SCUBE1: variants seen among roughly 807,000 people sequenced by gnomAD.
SCUBE1 encodes the protein signal peptide, CUB domain and EGF like domain containing 1.
A neutral mutation model predicts 124.4 loss-of-function variants in SCUBE1; 59 were observed. That is an observed-to-expected ratio of 0.47 (90% CI 0.38 to 0.59). SCUBE1 has a LOEUF of 0.59. Among genes scored for constraint, SCUBE1 ranks in the 20% least tolerant of loss-of-function variants. The probability of loss-of-function intolerance (pLI) is 0.00; values close to 1 mark genes in which losing one functional copy is unlikely to be tolerated. For synonymous variants in SCUBE1, 545 were observed against 550.9 expected (o/e 0.99, Z 0.15); for missense variants, 1,150 against 1,371.2 (o/e 0.84, Z 2.55).
intron 15 of SCUBE1, 118 bp from the exon 16 acceptor site, chr22:43,214,369 A>ACCC: frequency 1.0e-6 from 1 of 975,950 alleles, no homozygotes; most frequent in Non-Finnish European, 1.5e-6. Flanking sequence ...TGGGGCCCCA[A>ACCC]GGACACAGAG....
Position 43,290,982 on chromosome 22 carries a change from A to C in SCUBE1, c.484+64T>G, listed in dbSNP as rs1470568082. 19 of 1,485,636 alleles carry C rather than the reference A, an allele frequency of 1.3e-5. No homozygotes were observed. In the East Asian group the frequency reaches 4.2e-4, roughly 33 times the overall value. 92.0% of individuals were successfully genotyped at this position (1,485,636 alleles called of 1,614,324 possible). ...GGGCCCCAGAATTGAGATGTGGAGA[A>C]GGGGACTCTGGGGGCTGCCCATCCT... On this transcript the variant is annotated intron_variant, in intron 4 of 21. Coordinates refer to ENST00000360835, the MANE Select transcript of SCUBE1 (RefSeq NM_173050.5).
intron 4 of SCUBE1, among the ~76,000 whole-genome samples, chr22:43,278,702 A>G (rs558441243): frequency 1.8e-4 from 28 of 152,290 alleles, no homozygotes; most frequent in African/African-American, 6.0e-4. Flanking sequence ...AAGAACTGAC[A>G]TTGGCCTCAG....
At chr22:43,302,878 C>T (rs528297599) in intron 3 of SCUBE1, among the ~76,000 whole-genome samples, 9 of 152,364 alleles carry the variant, frequency 5.9e-5, no homozygotes, top group South Asian at 4.1e-4. Context: ...CTTAATGAAG[C>T]GCCTCTGCGC....
chr22:43,210,109 C>T lies in SCUBE1; in HGVS notation c.2515G>A (p.Val839Met), dbSNP rs764973596. 26 of 1,612,846 alleles carry T rather than the reference C, an allele frequency of 1.6e-5. No individual in the cohort carries two copies. Among genetic ancestry groups the T allele is most frequent in the East Asian group, 2.2e-5 (1 of 44,860 alleles). ...ATGGGCAGGAAGATCTCAGGGACCA[C>T]GATGAGGATCCTGCGCTTTGGGGGA... is the stretch of plus-strand genomic sequence containing the variant. ...APPPKRRILIVVPEIFLPIED... is the reference protein window; with the variant it reads ...APPPKRRILIMVPEIFLPIED... The change falls in exon 19 of 22, where the codon GTG becomes ATG. Residue 839 changes from valine to methionine, a missense_variant. By Grantham distance (21) the Val-to-Met change is conservative. Coordinates refer to ENST00000360835, the MANE Select transcript of SCUBE1 (RefSeq NM_173050.5). The surrounding 1 kb of genome is among the most constrained non-coding windows in gnomAD (Gnocchi z 4.5).
At chr22:43,237,534 C>T (rs969605535) in intron 7 of SCUBE1, 2 of 152,250 alleles carry the variant, frequency 1.3e-5, no homozygotes, top group South Asian at 2.1e-4. Flanking sequence ...CACCTGCCCA[C>T]TTGCCTGCCA....
chr22:43,339,308 G>T, intron 1 of SCUBE1, 73 bp from the exon 2 acceptor site: 1 of 1,469,218 alleles, frequency 6.8e-7, no homozygotes, highest in Non-Finnish European at 9.3e-7. Flanking sequence ...GTGTAGGGCA[G>T]GGGGAGCTCT....
At chr22:43,321,112 C>T (rs934344199) in intron 2 of SCUBE1, among the ~76,000 whole-genome samples, 1 of 152,182 alleles carries the variant, frequency 6.6e-6, no homozygotes, top group Non-Finnish European at 1.5e-5. Flanking sequence ...GAACCGGAAC[C>T]GGAAGTGCAG....
intron 6 of SCUBE1, among the ~76,000 whole-genome samples, chr22:43,245,057 G>A (rs995746920): frequency 5.3e-5 from 8 of 152,242 alleles, no homozygotes; most frequent in African/African-American, 4.8e-5. Flanking sequence ...GGCTCCCATC[G>A]CTTTGGGATA....
chr22:43,224,873 A>C (rs2146671957), intron 10 of SCUBE1, among the ~76,000 whole-genome samples: 1 of 152,298 alleles, frequency 6.6e-6, no homozygotes, highest in Non-Finnish European at 1.5e-5. Context: ...AGCCTTATGA[A>C]TTTAGACTAT....
intron 3 of SCUBE1, among the ~76,000 whole-genome samples, chr22:43,313,455 C>T (rs546931053): frequency 2.0e-5 from 3 of 152,232 alleles, no homozygotes; most frequent in South Asian, 4.2e-4. Context: ...TTTGTGGAGA[C>T]GGGAAGAAAT....
At chr22:43,254,591 C>T (rs927849658) in intron 6 of SCUBE1, among the ~76,000 whole-genome samples, 6 of 152,190 alleles carry the variant, frequency 3.9e-5, no homozygotes, top group African/African-American at 9.7e-5. Context: ...CAAGCCAGGG[C>T]ACCCCAGAGA....
chr22:43,214,047 G>GGGGGCCCCCCCCCCCC, intron 16 of SCUBE1, 43 bp downstream of exon 16: 1 of 143,438 alleles, frequency 7.0e-6, no homozygotes, highest in Non-Finnish European at 1.3e-5. Context: ...AGGAGCCCCC[G>GGGGGCCCCCCCCCCCC]CCCACCCCCC....
chr22:43,286,316 G>A (rs938194222), intron 4 of SCUBE1, among the ~76,000 whole-genome samples: 2 of 152,234 alleles, frequency 1.3e-5, no homozygotes, highest in South Asian at 2.1e-4. Flanking sequence ...TAGGCCACTG[G>A]GCCTGAAGCC....
At chr22:43,237,059 T>TG (rs1423488634) in intron 7 of SCUBE1, among the ~76,000 whole-genome samples, 2 of 111,400 alleles carry the variant, frequency 1.8e-5, no homozygotes, top group African/African-American at 3.5e-5. Context: ...TGGGGCAGCC[T>TG]GGTGAAAGGG....
chr22:43,299,305 G>A lies in SCUBE1; in HGVS notation c.350-8125C>T, dbSNP rs544356184. Among the ~76,000 whole-genome samples, 8 of 152,206 alleles carry A rather than the reference G, an allele frequency of 5.3e-5. No individual in the cohort carries two copies. The East Asian group carries it at 1.2e-3, about 22-fold the overall frequency. ...GCTGCTCATGGCCTCAGGGAATCACGGGTACGAACGTACTCCAGTGACAGC... is the reference window on the plus strand; with the variant it reads ...GCTGCTCATGGCCTCAGGGAATCACAGGTACGAACGTACTCCAGTGACAGC... On this transcript the variant is annotated intron_variant, in intron 3 of 21. Coordinates refer to ENST00000360835, the MANE Select transcript of SCUBE1 (RefSeq NM_173050.5).
At chr22:43,323,588 ACATCCATC>A (rs56143728) in intron 2 of SCUBE1, among the ~76,000 whole-genome samples, 18,721 of 148,610 alleles carry the variant, frequency 0.13, 1,306 homozygotes, top group East Asian at 0.18. Context: ...ACCCATCCAA[ACATCCATC>A]CATCCATCCA....
At chr22:43,321,370 A>C (rs1348488295) in intron 2 of SCUBE1, among the ~76,000 whole-genome samples, 1 of 152,210 alleles carries the variant, frequency 6.6e-6, no homozygotes, top group Admixed American at 6.5e-5. Context: ...AGAGCTACTC[A>C]CAGTGAGGGG....
chr22:43,217,511 G>A (rs1027075663), intron 15 of SCUBE1, among the ~76,000 whole-genome samples: 4 of 152,042 alleles, frequency 2.6e-5, no homozygotes, highest in East Asian at 3.9e-4. Flanking sequence ...TCCTTGCTCC[G>A]CCCCCGCTAC....
intron 6 of SCUBE1, among the ~76,000 whole-genome samples, chr22:43,244,203 G>T: frequency 6.6e-6 from 1 of 152,154 alleles, no homozygotes; most frequent in East Asian, 1.9e-4. Context: ...GTTCCTCAGG[G>T]TTCCACAGGG....
Sources: gnomAD v4.1 joint callset for allele counts (sites outside exome capture counted in the v4.1 genomes callset) on GRCh38, gnomAD v4.1.1 for gene constraint, Gnocchi (gnomAD v3.1) non-coding constraint, MANE v1.5 for transcripts, NCBI Gene and HGNC (gene_info 2026-07-23, HGNC 2026-07-21) for gene names.